The following GALNTL6 variants were observed in gnomAD, a reference collection of about 807,000 sequenced individuals.
GALNTL6 encodes polypeptide N-acetylgalactosaminyltransferase-like 6.
GALNTL6 carries 46 observed loss-of-function variants against 73.7 expected under a neutral mutation model. The ratio of observed to expected loss-of-function variants is 0.62; its 90% confidence interval spans 0.49 to 0.80. The LOEUF is 0.80. Ranked by LOEUF, GALNTL6 falls within the 30% of genes least tolerant of loss-of-function variation. The pLI is 0.00. For missense variants in GALNTL6, 604 were observed against 755.0 expected, an observed-to-expected ratio of 0.80 and a Z score of 2.34; for synonymous variants, 259 against 263.7, an observed-to-expected ratio of 0.98 and a Z score of 0.17.
chr4:172,752,469 C>T (rs1737482035), intron 5 of GALNTL6, among the ~76,000 whole-genome samples: 1 of 151,986 alleles, frequency 6.6e-6, no homozygotes, highest in African/African-American at 2.4e-5. Flanking sequence ...CACATAGATA[C>T]ATAAACCCAT....
At position 171,872,089 on chromosome 4, in the gene GALNTL6, T is replaced by C. The variant is rs186998024; in HGVS notation, c.138+57371T>C. Among the ~76,000 whole-genome samples the C allele has an allele frequency of 2.1e-4, 32 of 152,300 alleles. No homozygotes were observed. The East Asian group carries it at 2.3e-3, about 11-fold the overall frequency. On this transcript the variant is annotated intron_variant, in intron 2 of 12. Transcript: ENST00000506823. ...CTTTTTTTTTTGCAACTTTGTTAGA[T>C]ATACTTTGCTAAATATATTTAAATG...
intron 2 of GALNTL6, among the ~76,000 whole-genome samples, chr4:171,906,828 G>A (rs1231844196): frequency 6.6e-6 from 1 of 152,144 alleles, no homozygotes; most frequent in African/African-American, 2.4e-5. Context: ...TGGGATGCAA[G>A]GCTGGTTCAA....
intron 2 of GALNTL6, among the ~76,000 whole-genome samples, chr4:172,216,242 C>G (rs1736494383): frequency 3.3e-5 from 5 of 151,766 alleles, no homozygotes; most frequent in Admixed American, 3.3e-4. Context: ...GATAAATTCT[C>G]TTAGTTTTTG....
chr4:172,952,813 GCCA>G (rs896993405), intron 10 of GALNTL6, among the ~76,000 whole-genome samples: 14 of 152,304 alleles, frequency 9.2e-5, no homozygotes, highest in Admixed American at 5.2e-4. Context: ...ACTATGCCTG[GCCA>G]TAAATTTTTA....
chr4:172,843,291 T>C (rs1743316826), intron 7 of GALNTL6, among the ~76,000 whole-genome samples: 1 of 152,234 alleles, frequency 6.6e-6, no homozygotes, highest in African/African-American at 2.4e-5. Context: ...CTGTTCTGCC[T>C]CTTTCCAAGA....
chr4:172,979,679 C>T (rs1750985477), intron 10 of GALNTL6, among the ~76,000 whole-genome samples: 1 of 152,128 alleles, frequency 6.6e-6, no homozygotes, highest in Admixed American at 6.5e-5. Context: ...CTTTAGGAGC[C>T]CTTTGAGTTA....
chr4:172,218,951 A>C (rs1736581338), intron 2 of GALNTL6, among the ~76,000 whole-genome samples: 1 of 151,500 alleles, frequency 6.6e-6, no homozygotes, highest in Non-Finnish European at 1.5e-5. Flanking sequence ...TTGACAAGCA[A>C]ATCAAATTAA....
intron 5 of GALNTL6, among the ~76,000 whole-genome samples, chr4:172,774,640 C>T (rs1252128863): frequency 6.6e-6 from 1 of 152,102 alleles, no homozygotes; most frequent in African/African-American, 2.4e-5. Flanking sequence ...ATGCCTTCCT[C>T]TGATACTTAG....
intron 10 of GALNTL6, among the ~76,000 whole-genome samples, chr4:172,989,340 CA>C (rs1751441189): frequency 6.6e-6 from 1 of 152,170 alleles, no homozygotes. Context: ...TTCCTCATCT[CA>C]AATGAGACTT....
chr4:172,298,440 A>G (rs1222619343), intron 3 of GALNTL6, among the ~76,000 whole-genome samples: 2 of 152,224 alleles, frequency 1.3e-5, no homozygotes, highest in African/African-American at 2.4e-5. Context: ...CCGGTATTCA[A>G]AAGGAATGCT....
chr4:172,709,358 AT>A (rs1734553247), intron 5 of GALNTL6, among the ~76,000 whole-genome samples: 1 of 152,224 alleles, frequency 6.6e-6, no homozygotes, highest in South Asian at 2.1e-4. Flanking sequence ...CACATAATGC[AT>A]TTTAGCCAGT....
At chr4:172,988,422 A>G (rs1389036474) in intron 10 of GALNTL6, among the ~76,000 whole-genome samples, 1 of 152,238 alleles carries the variant, frequency 6.6e-6, no homozygotes, top group Non-Finnish European at 1.5e-5. Context: ...GCATATGGTC[A>G]TATGCATGAG....
chr4:173,020,500 C>CTG (rs200469882), intron 11 of GALNTL6, among the ~76,000 whole-genome samples: 16 of 152,014 alleles, frequency 1.1e-4, no homozygotes, highest in South Asian at 4.2e-4. Context: ...AGGGAGGTCT[C>CTG]TGTGTGTGTG....
At chr4:171,884,762 A>C (rs915146889) in intron 2 of GALNTL6, among the ~76,000 whole-genome samples, 1 of 152,136 alleles carries the variant, frequency 6.6e-6, no homozygotes, top group Non-Finnish European at 1.5e-5. Context: ...CTGTGCAAGA[A>C]TGTGTTGTTT....
intron 5 of GALNTL6, among the ~76,000 whole-genome samples, chr4:172,406,130 A>T (rs972923766): frequency 2.0e-5 from 3 of 152,136 alleles, no homozygotes; most frequent in African/African-American, 7.2e-5. Context: ...ATAAGTGTAT[A>T]AGTATTATGT....
At chr4:171,940,853 AAATAAATAAAT>A (rs1231355617) in intron 2 of GALNTL6, among the ~76,000 whole-genome samples, 197 of 145,874 alleles carry the variant, frequency 1.4e-3, no homozygotes, top group African/African-American at 4.5e-3. Flanking sequence ...ATAAATAAAT[AAATAAATAAAT>A]ATATAAGTCA....
Position 172,249,638 on chromosome 4 carries a change from G to C in GALNTL6, c.247+19874G>C, listed in dbSNP as rs1737786117. ...CTGCTCTGTGCAGTCTCAGGATATG[G>C]TGCCCTATGTCCCAGCTGTCTTAGC... On this transcript the variant is annotated intron_variant, in intron 3 of 12. Transcript: ENST00000506823. Among the ~76,000 whole-genome samples the C allele has an allele frequency of 3.3e-5, 5 of 152,134 alleles. No homozygotes were observed. The South Asian group carries it at 1.0e-3, about 31-fold the overall frequency.
intron 2 of GALNTL6, among the ~76,000 whole-genome samples, chr4:172,077,753 T>A (rs1731744414): frequency 6.6e-6 from 1 of 152,076 alleles, no homozygotes; most frequent in African/African-American, 2.4e-5. Context: ...GAAATTTGCA[T>A]AAGTAAAGAG....
At chr4:172,069,545 A>T (rs1187513816) in intron 2 of GALNTL6, among the ~76,000 whole-genome samples, 1 of 46,976 alleles carries the variant, frequency 2.1e-5, no homozygotes, top group African/African-American at 1.0e-4. Context: ...ATTATATATA[A>T]CACATATATG....
Sources: gnomAD v4.1 joint callset for allele counts (sites outside exome capture counted in the v4.1 genomes callset) on GRCh38, gnomAD v4.1.1 for gene constraint, MANE v1.5 for transcripts, NCBI Gene and HGNC (gene_info 2026-07-23, HGNC 2026-07-21) for gene names.